Variants in SPRR2G observed in about 807,000 individuals in gnomAD.
SPRR2G encodes small proline rich protein 2G, also known as small proline-rich protein 2G.
SPRR2G carries 1 observed loss-of-function variant against 0.7 expected under a neutral mutation model. The ratio of observed to expected loss-of-function variants is 1.49; its 90% CI spans 0.53 to 7.06. The LOEUF (loss-of-function observed/expected upper bound fraction) is 7.06, where lower values mean the gene tolerates loss of function less well. Among genes scored for constraint, SPRR2G ranks in the 30% most tolerant of loss-of-function variants. SPRR2G has a pLI of 0.14. For missense variants in SPRR2G, 96 were observed against 88.5 expected (o/e 1.09, Z -0.34); for synonymous variants, 38 against 33.9 (o/e 1.12, Z -0.42).
the SPRR2G span, among the ~76,000 whole-genome samples, chr1:153,179,032 G>A: frequency 6.6e-6 from 1 of 152,146 alleles, no homozygotes. Context: ...TTTACTACAA[G>A]GACTCAATTT....
chr1:153,178,648 C>T, the SPRR2G span, among the ~76,000 whole-genome samples: 1 of 151,966 alleles, frequency 6.6e-6, no homozygotes, highest in East Asian at 1.9e-4. Flanking sequence ...GTGACAAATC[C>T]TCTTAATATA....
chr1:153,159,393 C>T, the SPRR2G span, among the ~76,000 whole-genome samples: 1 of 152,196 alleles, frequency 6.6e-6, no homozygotes, highest in African/African-American at 2.4e-5. Context: ...AACAACTCAG[C>T]CTGGACTTCA....
the SPRR2G span, among the ~76,000 whole-genome samples, chr1:153,163,179 C>T: frequency 6.6e-6 from 1 of 152,140 alleles, no homozygotes; most frequent in Admixed American, 6.5e-5. Flanking sequence ...ATGATCACAA[C>T]ATGGAAAAAG....
the SPRR2G span, among the ~76,000 whole-genome samples, chr1:153,156,483 T>G: frequency 6.6e-6 from 1 of 152,232 alleles, no homozygotes; most frequent in Non-Finnish European, 1.5e-5. Context: ...ACGCTGACAT[T>G]GCAGAGTTTC....
the SPRR2G span, among the ~76,000 whole-genome samples, chr1:153,173,380 G>C: frequency 1.3e-5 from 2 of 152,180 alleles, no homozygotes; most frequent in African/African-American, 4.8e-5. Context: ...AATAAATATG[G>C]AGGTTGTCCT....
At chr1:153,177,879 G>T in the SPRR2G span, among the ~76,000 whole-genome samples, 1 of 149,876 alleles carries the variant, frequency 6.7e-6, no homozygotes, top group Admixed American at 6.6e-5. Context: ...AAAAAAAAAA[G>T]CCAGCTGGGA....
At chr1:153,169,239 C>A in the SPRR2G span, among the ~76,000 whole-genome samples, 1 of 152,184 alleles carries the variant, frequency 6.6e-6, no homozygotes, top group South Asian at 2.1e-4. Flanking sequence ...CCTTTGAACA[C>A]AACAGTAGAC....
At chr1:153,201,830 C>G in the SPRR2G span, among the ~76,000 whole-genome samples, 17 of 152,226 alleles carry the variant, frequency 1.1e-4, no homozygotes, top group South Asian at 4.1e-4. Context: ...GGCCTCAGGT[C>G]TCCCCAGTGG....
chr1:153,153,848 A>C (rs2101649431), upstream of SPRR2G, among the ~76,000 whole-genome samples: 1 of 152,298 alleles, frequency 6.6e-6, no homozygotes, highest in East Asian at 1.9e-4. Flanking sequence ...TAAAAATAAT[A>C]GAATTAGAAA....
chr1:153,163,283 T>G, the SPRR2G span, among the ~76,000 whole-genome samples: 1 of 152,198 alleles, frequency 6.6e-6, no homozygotes, highest in Non-Finnish European at 1.5e-5. Flanking sequence ...AGCTGAGGGA[T>G]CAGCAGACAA....
chr1:153,160,588 A>G, the SPRR2G span, among the ~76,000 whole-genome samples: 18 of 151,754 alleles, frequency 1.2e-4, no homozygotes, highest in African/African-American at 3.4e-4. Flanking sequence ...AAGTCAGGAA[A>G]CAACAGGTGC....
At chr1:153,170,633 T>C in the SPRR2G span, among the ~76,000 whole-genome samples, 1 of 152,112 alleles carries the variant, frequency 6.6e-6, no homozygotes, top group Non-Finnish European at 1.5e-5. Context: ...AAGGGCTTGA[T>C]AGAGAGATAA....
chr1:153,153,792 G>A, upstream of SPRR2G, among the ~76,000 whole-genome samples: 1 of 152,210 alleles, frequency 6.6e-6, no homozygotes, highest in Middle Eastern at 3.4e-3. Context: ...ATAAAGATAT[G>A]CTGCTACTAC....
chr1:153,202,860 C>T, the SPRR2G span, among the ~76,000 whole-genome samples: 1,057 of 152,232 alleles, frequency 6.9e-3, 21 homozygotes, highest in African/African-American at 0.024. Context: ...AGCCTCCCAT[C>T]GCCACTCCTA....
At chr1:153,194,838 A>G in the SPRR2G span, among the ~76,000 whole-genome samples, 14 of 152,150 alleles carry the variant, frequency 9.2e-5, no homozygotes, top group Admixed American at 2.6e-4. Context: ...CTGTGCTCCA[A>G]TGGAGGCAAC....
the SPRR2G span, among the ~76,000 whole-genome samples, chr1:153,163,722 G>A: frequency 6.6e-6 from 1 of 152,124 alleles, no homozygotes; most frequent in Non-Finnish European, 1.5e-5. Flanking sequence ...CCCCATCCAT[G>A]TAACTTCTGT....
chr1:153,200,133 G>A, the SPRR2G span, among the ~76,000 whole-genome samples: 1 of 152,068 alleles, frequency 6.6e-6, no homozygotes, highest in African/African-American at 2.4e-5. Flanking sequence ...CCTAAATTAA[G>A]TTACTATCTT....
the SPRR2G span, among the ~76,000 whole-genome samples, chr1:153,186,195 T>G: frequency 6.6e-6 from 1 of 152,168 alleles, no homozygotes; most frequent in Non-Finnish European, 1.5e-5. Flanking sequence ...GTTCTGTTGA[T>G]TTGGGGTGAA....
the SPRR2G span, among the ~76,000 whole-genome samples, chr1:153,201,546 C>T: frequency 6.6e-6 from 1 of 152,108 alleles, no homozygotes; most frequent in South Asian, 2.1e-4. Flanking sequence ...TTCTCAACAG[C>T]TTTGAGGAGA....
Sources: gnomAD v4.1 joint callset for allele counts (sites outside exome capture counted in the v4.1 genomes callset) on GRCh38, gnomAD v4.1.1 for gene constraint, MANE v1.5 for transcripts, NCBI Gene and HGNC (gene_info 2026-07-23, HGNC 2026-07-21) for gene names.